GABRA2: variants seen among roughly 807,000 people sequenced by gnomAD.
GABRA2 encodes gamma-aminobutyric acid receptor subunit alpha-2.
GABRA2 carries 16 observed loss-of-function variants against 48.7 expected under a neutral mutation model. The ratio of observed to expected loss-of-function variants is 0.33; its 90% CI spans 0.22 to 0.50. The LOEUF (loss-of-function observed/expected upper bound fraction) is 0.50, where lower values mean the gene tolerates loss of function less well. Among genes scored for constraint, GABRA2 ranks in the 20% least tolerant of loss-of-function variants. The probability of loss-of-function intolerance (pLI) is 0.98; values close to 1 mark genes in which losing one functional copy is unlikely to be tolerated. For missense variants in GABRA2, 275 were observed against 535.6 expected, an observed-to-expected ratio of 0.51 and a Z score of 4.80; for synonymous variants, 185 against 184.5, an observed-to-expected ratio of 1.00 and a Z score of -0.02.
At chr4:46,351,028 T>C (rs1031838418) in intron 3 of GABRA2, among the ~76,000 whole-genome samples, 5 of 151,900 alleles carry the variant, frequency 3.3e-5, no homozygotes, top group African/African-American at 9.7e-5. Context: ...ATAATGCATA[T>C]GTCTTTTTGT....
chr4:46,282,487 TGAAACAG>T (rs1180819636), intron 8 of GABRA2, among the ~76,000 whole-genome samples: 1 of 152,304 alleles, frequency 6.6e-6, no homozygotes, highest in East Asian at 1.9e-4. Flanking sequence ...CCACTACAAT[TGAAACAG>T]CCTTTACTAA....
At position 46,308,414 on chromosome 4, in the gene GABRA2, G is replaced by T. The variant is rs550681493; in HGVS notation, c.559+1759C>A. On this transcript the variant is annotated intron_variant, in intron 6 of 9. Coordinates refer to ENST00000381620, the MANE Select transcript of GABRA2 (RefSeq NM_000807.4). ...GGGAAGAAGAGGGCTTTCAAGTAAGGAAGGAATAAATGAGTAGAAGAAAAA... is the reference window on the plus strand; with the variant it reads ...GGGAAGAAGAGGGCTTTCAAGTAAGTAAGGAATAAATGAGTAGAAGAAAAA... 2.6e-5 allele frequency among the ~76,000 whole-genome samples: 4 copies of T among 152,252 alleles called. No individual in the cohort carries two copies. In the East Asian group the frequency reaches 5.8e-4, roughly 22 times the overall value.
At chr4:46,326,325 C>G (rs1200834782) in intron 4 of GABRA2, among the ~76,000 whole-genome samples, 1 of 151,796 alleles carries the variant, frequency 6.6e-6, no homozygotes, top group Admixed American at 6.6e-5. Flanking sequence ...TTCCCCACCC[C>G]CAGGTGATGT....
At chr4:46,379,149 T>G (rs746016386) in intron 3 of GABRA2, among the ~76,000 whole-genome samples, 3 of 152,194 alleles carry the variant, frequency 2.0e-5, no homozygotes, top group Non-Finnish European at 2.9e-5. Flanking sequence ...AGATGCTTGT[T>G]AGTCATGCCT....
chr4:46,294,928 A>G (rs906979491), intron 8 of GABRA2, among the ~76,000 whole-genome samples: 34 of 152,342 alleles, frequency 2.2e-4, no homozygotes, highest in African/African-American at 7.7e-4. Context: ...AGTGATATGC[A>G]TGTGATCAGG....
At chr4:46,304,184 C>A (rs1378086978) in intron 7 of GABRA2, among the ~76,000 whole-genome samples, 1 of 152,280 alleles carries the variant, frequency 6.6e-6, no homozygotes, top group East Asian at 1.9e-4. Flanking sequence ...GCCCTTCATT[C>A]CCACTGGTAT....
chr4:46,296,479 C>T (rs1004045505), intron 8 of GABRA2, among the ~76,000 whole-genome samples: 1 of 152,032 alleles, frequency 6.6e-6, no homozygotes, highest in African/African-American at 2.4e-5. Context: ...AATCAGTCTA[C>T]TGCTCCATAG....
chr4:46,338,148 A>G (rs1327716665), intron 3 of GABRA2, among the ~76,000 whole-genome samples: 5 of 151,980 alleles, frequency 3.3e-5, no homozygotes, highest in Admixed American at 6.6e-5. Flanking sequence ...TAGTACATGT[A>G]GAGTTGAAAA....
rs1713638279 is a variant in GABRA2 at position 46,245,951 on chromosome 4, C to A, written c.*4357G>T. Among the ~76,000 whole-genome samples the A allele has an allele frequency of 6.6e-6, 1 of 150,942 alleles. No homozygotes were observed. The highest frequency in any genetic ancestry group is 1.5e-5 in the Non-Finnish European group (1 of 67,418). On this transcript the variant is annotated 3_prime_UTR_variant, in exon 10 of 10. Transcript: ENST00000381620. The stretch of plus-strand genomic sequence containing the variant: ...TATTTCAACTTAACAAGATGGAAGA[C>A]ACAGTGGTCTAGATATGTTGATAAT...
chr4:46,331,953 G>A (rs1731431498), intron 4 of GABRA2, among the ~76,000 whole-genome samples: 1 of 152,038 alleles, frequency 6.6e-6, no homozygotes, highest in African/African-American at 2.4e-5. Context: ...AAACTCCTGG[G>A]ATTAAGCAGT....
intron 3 of GABRA2, among the ~76,000 whole-genome samples, chr4:46,348,791 G>T (rs1457519823): frequency 1.7e-5 from 2 of 116,146 alleles, no homozygotes; most frequent in Non-Finnish European, 3.5e-5. Context: ...GGGGGGAGGG[G>T]GGAGGGATAG....
chr4:46,268,273 GA>G (rs1262114950), intron 8 of GABRA2, among the ~76,000 whole-genome samples: 3 of 151,768 alleles, frequency 2.0e-5, no homozygotes, highest in African/African-American at 7.3e-5. Flanking sequence ...TGAATTGGTA[GA>G]AAAAATTTGC....
At chr4:46,355,863 T>C (rs1300213351) in intron 3 of GABRA2, among the ~76,000 whole-genome samples, 1 of 152,170 alleles carries the variant, frequency 6.6e-6, no homozygotes, top group South Asian at 2.1e-4. Context: ...AGGGTCTTTC[T>C]AACTACACAC....
chr4:46,371,279 T>C (rs1166755441), intron 3 of GABRA2, among the ~76,000 whole-genome samples: 1 of 152,166 alleles, frequency 6.6e-6, no homozygotes, highest in Non-Finnish European at 1.5e-5. Flanking sequence ...TCATCCCTTT[T>C]ATCTCTCCAA....
At chr4:46,378,488 C>T (rs1716289394) in intron 3 of GABRA2, among the ~76,000 whole-genome samples, 1 of 151,684 alleles carries the variant, frequency 6.6e-6, no homozygotes, top group Admixed American at 6.6e-5. Flanking sequence ...ATCACCACTC[C>T]CTAATCTCAA....
intron 3 of GABRA2, among the ~76,000 whole-genome samples, chr4:46,343,173 T>C (rs1197670673): frequency 6.6e-6 from 1 of 152,046 alleles, no homozygotes. Context: ...TCCCCACTTT[T>C]TCCACAATAA....
rs979903147 is a variant in GABRA2, at chr4:46,247,751, A to G, written c.*2557T>C. Among the ~76,000 whole-genome samples the G allele has an allele frequency of 1.3e-5, 2 of 151,422 alleles. No homozygotes were observed. Among genetic ancestry groups the G allele is most frequent in the Non-Finnish European group, 3.0e-5 (2 of 67,494 alleles). On this transcript the variant is annotated 3_prime_UTR_variant, in exon 10 of 10. Transcript: ENST00000381620. ...GTTTTTAAATTGGTTCATGGAAAGGATTATAATTGTTACGAATCTTGTTCT... is the reference window on the plus strand; with the variant it reads ...GTTTTTAAATTGGTTCATGGAAAGGGTTATAATTGTTACGAATCTTGTTCT...
At chr4:46,261,569 C>CT in intron 9 of GABRA2, 1 of 348,364 alleles carries the variant, frequency 2.9e-6, no homozygotes, top group Non-Finnish European at 5.3e-6. Context: ...GTTGTGTAAG[C>CT]TTGGGCAAGA....
intron 6 of GABRA2, among the ~76,000 whole-genome samples, chr4:46,308,854 C>A (rs546258967): frequency 1.4e-5 from 2 of 145,322 alleles, no homozygotes; most frequent in Admixed American, 7.1e-5. Context: ...GCCTTAATGA[C>A]AATACCTTGT....
Sources: gnomAD v4.1 joint callset for allele counts (sites outside exome capture counted in the v4.1 genomes callset) on GRCh38, gnomAD v4.1.1 for gene constraint, MANE v1.5 for transcripts, NCBI Gene and HGNC (gene_info 2026-07-23, HGNC 2026-07-21) for gene names.